Variants in CUL2 observed in about 807,000 individuals in gnomAD.
CUL2 encodes cullin-2.
In CUL2, 22 loss-of-function variants were observed where a neutral mutation model predicts 110.2. That is an observed-to-expected ratio of 0.20 (90% CI 0.14 to 0.28). CUL2 has a LOEUF of 0.28. Among genes scored for constraint, CUL2 ranks in the 10% least tolerant of loss-of-function variants. The probability of loss-of-function intolerance (pLI) is 1.00; values close to 1 mark genes in which losing one functional copy is unlikely to be tolerated. For missense variants in CUL2, 631 were observed against 905.5 expected, an observed-to-expected ratio of 0.70 and a Z score of 3.89; for synonymous variants, 279 against 293.2, an observed-to-expected ratio of 0.95 and a Z score of 0.49.
At chr10:35,036,469 G>GC (rs1662209752) in intron 9 of CUL2, among the ~76,000 whole-genome samples, 2 of 152,142 alleles carry the variant, frequency 1.3e-5, no homozygotes, top group African/African-American at 2.4e-5. Flanking sequence ...GTGGTTATAT[G>GC]TTTAGGAGAA....
chr10:35,051,067 G>A (rs986651958), intron 5 of CUL2, among the ~76,000 whole-genome samples: 1 of 152,214 alleles, frequency 6.6e-6, no homozygotes, highest in Non-Finnish European at 1.5e-5. Flanking sequence ...TGTAATCCCA[G>A]CACTTTGGGA....
At chr10:35,013,069 G>A (rs199658136) in intron 19 of CUL2, among the ~76,000 whole-genome samples, 9 of 152,096 alleles carry the variant, frequency 5.9e-5, no homozygotes, top group Non-Finnish European at 2.9e-5. Flanking sequence ...GGCCAGGCGC[G>A]GTGGTTCACA....
At chr10:35,025,281 G>A in intron 16 of CUL2, 83 bp from the exon 17 acceptor site, 1 of 1,433,458 alleles carries the variant, frequency 7.0e-7, no homozygotes, top group Non-Finnish European at 9.1e-7. Context: ...CAAAAGCAAT[G>A]AAAACCATTC....
At chr10:35,039,400 T>G (rs1417142469) in intron 8 of CUL2, among the ~76,000 whole-genome samples, 2 of 151,574 alleles carry the variant, frequency 1.3e-5, no homozygotes, top group Non-Finnish European at 2.9e-5. Context: ...TGGGTACAGA[T>G]GATTAAATTC....
intron 6 of CUL2, among the ~76,000 whole-genome samples, chr10:35,046,891 TCAAAACAAAA>T (rs59042466): frequency 0.35 from 52,096 of 149,738 alleles, 9,050 homozygotes; most frequent in African/African-American, 0.35. Context: ...AGACTCTGTC[TCAAAACAAAA>T]CAAAACAAAA....
intron 16 of CUL2, 87 bp downstream of exon 16, chr10:35,028,723 G>T: frequency 1.2e-6 from 1 of 844,132 alleles, no homozygotes; most frequent in Non-Finnish European, 1.9e-6. Context: ...GAACCCTTAA[G>T]ACTCTGAAAA....
chr10:35,094,261 G>A (rs2087262139), upstream of CUL2, among the ~76,000 whole-genome samples: 1 of 150,450 alleles, frequency 6.6e-6, no homozygotes. Context: ...TTGAGATGGA[G>A]TTTCGCTCTT....
Position 35,071,278 on chromosome 10 carries a change from A to G in CUL2, c.40T>C (p.Trp14Arg). The G allele has an allele frequency of 6.2e-7, 1 of 1,613,898 alleles. No homozygotes were observed. Among genetic ancestry groups the G allele is most frequent in the Non-Finnish European group, 8.5e-7 (1 of 1,179,786 alleles). ...TTTATTGTCGTCAAAAGTTTGTTCC[A>G]TGTTTCATCAAAATCTACTACTCTT... Reference protein sequence around the residue: ...KPRVVDFDETWNKLLTTIKAV... With the variant: ...KPRVVDFDETRNKLLTTIKAV... The change falls in exon 2 of 21, where the codon TGG becomes CGG. Residue 14 changes from tryptophan to arginine, a missense_variant. This residue lies in a region of CUL2 where 338 missense variants were observed against 442.5 expected (regional missense o/e 0.76). Coordinates refer to ENST00000374749, the MANE Select transcript of CUL2 (RefSeq NM_003591.4).
intron 9 of CUL2, among the ~76,000 whole-genome samples, chr10:35,037,799 C>T (rs769708785): frequency 1.4e-4 from 22 of 152,066 alleles, no homozygotes; most frequent in African/African-American, 9.7e-5. Context: ...ACAGAGATCG[C>T]GCCACTGCAT....
chr10:35,056,074 C>T (rs773058108), intron 4 of CUL2, among the ~76,000 whole-genome samples: 1 of 152,176 alleles, frequency 6.6e-6, no homozygotes, highest in African/African-American at 2.4e-5. Context: ...ACAGTAATTG[C>T]TACTATATGA....
intron 1 of CUL2, among the ~76,000 whole-genome samples, chr10:35,086,841 C>G (rs1024140089): frequency 6.6e-6 from 1 of 152,176 alleles, no homozygotes; most frequent in African/African-American, 2.4e-5. Context: ...TATTTCATAA[C>G]TTAACTACTA....
chr10:35,087,537 C>A (rs1235533092), intron 1 of CUL2, among the ~76,000 whole-genome samples: 2 of 152,120 alleles, frequency 1.3e-5, no homozygotes, highest in African/African-American at 4.8e-5. Flanking sequence ...TCCACTTGAA[C>A]AACGAAATCC....
At chr10:35,042,954 G>C (rs1249859158) in intron 8 of CUL2, among the ~76,000 whole-genome samples, 1 of 151,978 alleles carries the variant, frequency 6.6e-6, no homozygotes, top group African/African-American at 2.4e-5. Context: ...ACTATCTCAA[G>C]TAGATGGTGT....
intron 1 of CUL2, chr10:35,120,547 T>C (rs2087665930): frequency 6.6e-6 from 1 of 152,128 alleles, no homozygotes; most frequent in South Asian, 2.1e-4. Flanking sequence ...ACCAAGAACT[T>C]GGTAAATTCT....
At chr10:35,010,490 T>A (rs989281196) in intron 20 of CUL2, 48 bp from the exon 21 acceptor site, 3 of 1,556,180 alleles carry the variant, frequency 1.9e-6, no homozygotes, top group Non-Finnish European at 2.6e-6. Flanking sequence ...CTTCAGCTAT[T>A]AAGTAATGAC....
At chr10:35,024,010 T>C (rs1452629160) in intron 17 of CUL2, among the ~76,000 whole-genome samples, 1 of 151,962 alleles carries the variant, frequency 6.6e-6, no homozygotes, top group Admixed American at 6.6e-5. Flanking sequence ...AATTTTTGGA[T>C]TTTTTAGTAG....
chr10:35,025,070 T>C, intron 17 of CUL2, 62 bp downstream of exon 17: 1 of 1,420,490 alleles, frequency 7.0e-7, no homozygotes, highest in Non-Finnish European at 9.2e-7. Context: ...AAAACCTCTT[T>C]CTAAATTAAT....
At position 35,054,495 on chromosome 10, in the gene CUL2, G is replaced by A. The variant is rs1401320493; in HGVS notation, c.362C>T (p.Ala121Val). The part of the protein sequence containing the change: ...QFIKKNKLTE[A>V]DLQYGYGGVD... ...ACCACCATAGCCATACTGAAGGTCC[G>A]CTTCTGTTAATTTATTCTTTTTAAT... Residue 121 changes from alanine to valine, a missense_variant, in exon 5 of 21, where the codon GCG becomes GTG. Around this residue, in one of 3 missense-constraint regions of CUL2, gnomAD observed 338 missense variants for 442.5 expected, o/e 0.76. Transcript: ENST00000374749. 1.9e-6 allele frequency: 3 copies of A among 1,592,792 alleles called. No homozygotes were observed. Among genetic ancestry groups the A allele is most frequent in the Non-Finnish European group, 2.6e-6 (3 of 1,170,584 alleles).
At chr10:35,013,919 T>C (rs1169093378) in intron 18 of CUL2, 119 bp from the exon 19 acceptor site, 1 of 629,038 alleles carries the variant, frequency 1.6e-6, no homozygotes. Context: ...CTCATAACTT[T>C]TATATTATAG....
Sources: gnomAD v4.1 joint callset for allele counts (sites outside exome capture counted in the v4.1 genomes callset) on GRCh38, gnomAD v4.1.1 for gene constraint, gnomAD v4.1.1 regional missense constraint, MANE v1.5 for transcripts, NCBI Gene and HGNC (gene_info 2026-07-23, HGNC 2026-07-21) for gene names.